The following TAB2 variants were observed in gnomAD, a reference collection of about 807,000 sequenced individuals.
The protein encoded by TAB2 is TGF-beta activated kinase 1 (MAP3K7) binding protein 2, also known as TGF-beta-activated kinase 1 and MAP3K7-binding protein 2.
TAB2 carries 3 observed loss-of-function variants against 65.0 expected under a neutral mutation model. The ratio of observed to expected loss-of-function variants is 0.05; its 90% confidence interval spans 0.02 to 0.12. The LOEUF is 0.12. Among genes scored for constraint, TAB2 ranks in the 10% least tolerant of loss-of-function variants. TAB2 has a pLI of 1.00. For missense variants in TAB2, 623 were observed against 840.3 expected, an observed-to-expected ratio of 0.74 and a Z score of 3.20; for synonymous variants, 298 against 285.1, an observed-to-expected ratio of 1.05 and a Z score of -0.46.
rs538063754 is a variant in TAB2, at chr6:149,371,472, A to G, written c.102+1373A>G. 4.1e-4 allele frequency among the ~76,000 whole-genome samples: 63 copies of G among 152,290 alleles called. 1 individual carries two copies. Among genetic ancestry groups the G allele is most frequent in the African/African-American group, 1.5e-3 (62 of 41,560 alleles). On this transcript the variant is annotated intron_variant, in intron 2 of 6. Coordinates refer to ENST00000637181, the MANE Select transcript of TAB2 (RefSeq NM_001292034.3). The stretch of plus-strand genomic sequence containing the variant: ...CTATGTTCTGGTCATCCTGAGCTGC[A>G]TGGAATTCTCCCACCAGCAATGCCT...
intron 1 of TAB2, among the ~76,000 whole-genome samples, chr6:149,282,217 A>G (rs957966226): frequency 1.3e-5 from 2 of 152,184 alleles, no homozygotes; most frequent in Non-Finnish European, 2.9e-5. Flanking sequence ...TCAGAAAAAC[A>G]TAACAATCCT....
chr6:149,249,135 TACAC>T (rs58230516), intron 1 of TAB2, among the ~76,000 whole-genome samples: 38 of 135,782 alleles, frequency 2.8e-4, no homozygotes, highest in Admixed American at 7.1e-4. Context: ...CACACACACA[TACAC>T]ACACACACAC....
intron 1 of TAB2, among the ~76,000 whole-genome samples, chr6:149,338,629 T>C (rs1157322838): frequency 6.6e-6 from 1 of 152,208 alleles, no homozygotes; most frequent in African/African-American, 2.4e-5. Context: ...TTGGAAGTTG[T>C]TGGAGTGTAA....
intron 1 of TAB2, among the ~76,000 whole-genome samples, chr6:149,281,234 A>G (rs1412272772): frequency 6.6e-6 from 1 of 152,170 alleles, no homozygotes; most frequent in Non-Finnish European, 1.5e-5. Context: ...AATGGCAGAA[A>G]GACAGGGAGA....
intron 1 of TAB2, among the ~76,000 whole-genome samples, chr6:149,273,561 A>G (rs73603555): frequency 6.6e-6 from 1 of 152,204 alleles, no homozygotes; most frequent in East Asian, 1.9e-4. Flanking sequence ...AGACTTTCCA[A>G]AAAGGGAACT....
intron 3 of TAB2, among the ~76,000 whole-genome samples, chr6:149,392,466 T>C (rs141479917): frequency 5.0e-4 from 76 of 152,318 alleles, no homozygotes; most frequent in African/African-American, 1.8e-3. Context: ...TGGAGAGAAG[T>C]TGACTGTTCG....
chr6:149,357,428 A>AC (rs1223441586), intron 1 of TAB2, among the ~76,000 whole-genome samples: 3,114 of 65,542 alleles, frequency 0.048, 188 homozygotes, highest in African/African-American at 0.16. Context: ...GGAGAAAAAA[A>AC]AAACACACAC....
chr6:149,381,850 G>A (rs1376855009), intron 3 of TAB2, among the ~76,000 whole-genome samples: 1 of 152,008 alleles, frequency 6.6e-6, no homozygotes, highest in Non-Finnish European at 1.5e-5. Flanking sequence ...TAGGATTACA[G>A]GCGTGACCTC....
intron 1 of TAB2, among the ~76,000 whole-genome samples, chr6:149,251,558 C>T (rs115359635): frequency 0.012 from 1,883 of 152,300 alleles, 37 homozygotes; most frequent in African/African-American, 0.042. Context: ...TGGCAGCCCA[C>T]GGACCCATGG....
chr6:149,341,919 A>T (rs1407289319), intron 1 of TAB2, among the ~76,000 whole-genome samples: 1 of 152,150 alleles, frequency 6.6e-6, no homozygotes, highest in Non-Finnish European at 1.5e-5. Flanking sequence ...GCATAAGGAC[A>T]TCATTTCCAG....
intron 1 of TAB2, among the ~76,000 whole-genome samples, chr6:149,265,957 G>A (rs1359961658): frequency 6.6e-6 from 1 of 152,144 alleles, no homozygotes; most frequent in Non-Finnish European, 1.5e-5. Context: ...TACAATGTCT[G>A]CCCATGCCTT....
intron 1 of TAB2, among the ~76,000 whole-genome samples, chr6:149,259,334 T>TACAC (rs61261942): frequency 0.055 from 8,051 of 145,942 alleles, 266 homozygotes; most frequent in Middle Eastern, 0.12. Context: ...ACGCTCCCTC[T>TACAC]ACACACACAC....
chr6:149,325,889 A>G (rs1220316177), intron 1 of TAB2, among the ~76,000 whole-genome samples: 2 of 152,136 alleles, frequency 1.3e-5, no homozygotes, highest in Non-Finnish European at 2.9e-5. Context: ...ACAGATGCGT[A>G]CCACAACGCT....
At chr6:149,396,385 A>G (rs754289043) in intron 3 of TAB2, among the ~76,000 whole-genome samples, 8 of 152,098 alleles carry the variant, frequency 5.3e-5, no homozygotes, top group Non-Finnish European at 8.8e-5. Flanking sequence ...CTGTCACATT[A>G]TCTGTGCATT....
At chr6:149,339,118 C>T (rs2114773017) in intron 1 of TAB2, among the ~76,000 whole-genome samples, 1 of 152,286 alleles carries the variant, frequency 6.6e-6, no homozygotes, top group Non-Finnish European at 1.5e-5. Context: ...GTAATCCCAG[C>T]CCTTTGGGAG....
intron 1 of TAB2, among the ~76,000 whole-genome samples, chr6:149,356,151 T>C (rs1285169279): frequency 6.6e-6 from 1 of 152,200 alleles, no homozygotes; most frequent in Non-Finnish European, 1.5e-5. Context: ...CTTATTTCCT[T>C]CTAACTAAAG....
At chr6:149,294,812 A>G (rs1188799434) in intron 1 of TAB2, among the ~76,000 whole-genome samples, 1 of 152,228 alleles carries the variant, frequency 6.6e-6, no homozygotes, top group African/African-American at 2.4e-5. Context: ...CCCACTGGCC[A>G]GCTTTGTGAC....
chr6:149,340,564 T>C (rs1162607974), intron 1 of TAB2, among the ~76,000 whole-genome samples: 1 of 152,142 alleles, frequency 6.6e-6, no homozygotes, highest in Non-Finnish European at 1.5e-5. Flanking sequence ...AACTGAAATA[T>C]TACTATAAGT....
chr6:149,396,724 T>G (rs1193074931), intron 3 of TAB2, among the ~76,000 whole-genome samples: 1 of 152,266 alleles, frequency 6.6e-6, no homozygotes, highest in Non-Finnish European at 1.5e-5. Flanking sequence ...CTTATTTTGT[T>G]TCTTTAAAGA....
Sources: allele counts gnomAD v4.1 joint callset (sites outside exome capture counted in the v4.1 genomes callset), GRCh38; gene constraint gnomAD v4.1.1; transcripts MANE v1.5; gene names NCBI Gene and HGNC (gene_info 2026-07-23, HGNC 2026-07-21).